CELF4: variants seen among roughly 807,000 people sequenced by gnomAD.
The protein encoded by CELF4 is CUGBP Elav-like family member 4.
In CELF4, 18 loss-of-function variants were observed where a neutral mutation model predicts 59.9. The observed-to-expected ratio is 0.30, with a 90% CI of 0.21 to 0.45. The LOEUF (loss-of-function observed/expected upper bound fraction) is 0.45. Among genes scored for constraint, CELF4 ranks in the 20% least tolerant of loss-of-function variants. The pLI is 1.00. For missense variants in CELF4, 456 were observed against 689.0 expected (o/e 0.66, Z 3.79); for synonymous variants, 261 against 267.1 (o/e 0.98, Z 0.22).
chr18:37,485,745 A>T, intron 1 of CELF4, 138 bp from the exon 2 acceptor site: 1 of 418,440 alleles, frequency 2.4e-6, no homozygotes. Context: ...TCTCCCGTGC[A>T]CTGTTCTCGG....
intron 1 of CELF4, among the ~76,000 whole-genome samples, chr18:37,556,630 C>G (rs1488123288): frequency 6.6e-6 from 1 of 152,114 alleles, no homozygotes; most frequent in East Asian, 1.9e-4. Context: ...GGTCAGTAGC[C>G]TCTATCAGCT....
intron 2 of CELF4, among the ~76,000 whole-genome samples, chr18:37,352,957 C>T (rs981475138): frequency 6.6e-6 from 1 of 152,028 alleles, no homozygotes; most frequent in Non-Finnish European, 1.5e-5. Context: ...CGCGGTAGCT[C>T]ACGCCTGTAA....
At chr18:37,549,431 G>C (rs1344554692) in intron 1 of CELF4, among the ~76,000 whole-genome samples, 1 of 152,190 alleles carries the variant, frequency 6.6e-6, no homozygotes, top group Admixed American at 6.5e-5. Context: ...CTGCCCCGCA[G>C]GCCAGGCCTT....
rs140721883 is a variant in CELF4 at position 37,401,849 on chromosome 18, G to A, written c.370-79968C>T. Among the ~76,000 whole-genome samples the A allele has an allele frequency of 2.2e-4, 34 of 152,328 alleles. No individual in the cohort carries two copies. In the East Asian group the frequency reaches 5.2e-3, roughly 23 times the overall value. ...TGCAAGGTTACTCGGCTCAAGAAAG[G>A]GATATTGCATTTCAAGCCCTGAGTT... On this transcript the variant is annotated intron_variant, in intron 2 of 12. Transcript: ENST00000420428.
intron 2 of CELF4, among the ~76,000 whole-genome samples, chr18:37,327,455 C>T (rs1014804848): frequency 2.0e-5 from 3 of 152,208 alleles, no homozygotes; most frequent in Non-Finnish European, 4.4e-5. Flanking sequence ...GGAATGAGCA[C>T]CCTGCCAGAG....
intron 2 of CELF4, among the ~76,000 whole-genome samples, chr18:37,366,611 C>G (rs73427286): frequency 1.5e-3 from 225 of 152,234 alleles, no homozygotes; most frequent in African/African-American, 5.2e-3. Flanking sequence ...GGAGATGGAG[C>G]CTGGGAGAAG....
chr18:37,323,374 C>G (rs1415627329), intron 2 of CELF4, among the ~76,000 whole-genome samples: 1 of 152,142 alleles, frequency 6.6e-6, no homozygotes, highest in Non-Finnish European at 1.5e-5. Context: ...CAAGCCCTGG[C>G]AGCAGAGAAC....
At chr18:37,361,015 C>T (rs2098694884) in intron 2 of CELF4, among the ~76,000 whole-genome samples, 1 of 152,186 alleles carries the variant, frequency 6.6e-6, no homozygotes, top group African/African-American at 2.4e-5. Context: ...GTTCATTAAA[C>T]TCTAGTTACT....
At position 37,541,757 on chromosome 18, in the gene CELF4, T is replaced by C. The variant is rs115442660; in HGVS notation, c.286+23599A>G. The stretch of plus-strand genomic sequence containing the variant: ...CCTGCCTCCGGGCCTTTGCACCTGC[T>C]GTTCTCTCTGCTGGAAGTGCTTTCT... On this transcript the variant is annotated intron_variant, in intron 1 of 12. Coordinates refer to ENST00000420428, the MANE Select transcript of CELF4 (RefSeq NM_020180.4). 3.5e-3 allele frequency among the ~76,000 whole-genome samples: 526 copies of C among 152,046 alleles called. 2 individuals carry two copies. Among genetic ancestry groups the C allele is most frequent in the African/African-American group, 0.012 (494 of 41,460 alleles).
chr18:37,422,617 C>T (rs763049397), intron 2 of CELF4, among the ~76,000 whole-genome samples: 1 of 152,052 alleles, frequency 6.6e-6, no homozygotes, highest in Admixed American at 6.5e-5. Context: ...AATGTGTGCC[C>T]GAGAAAGAGC....
intron 10 of CELF4, among the ~76,000 whole-genome samples, chr18:37,262,133 C>T (rs2074985215): frequency 6.6e-6 from 1 of 152,202 alleles, no homozygotes; most frequent in Non-Finnish European, 1.5e-5. Flanking sequence ...TATGTGCTGC[C>T]AACCTCTGCT....
At chr18:37,512,674 CT>C (rs2099945901) in intron 1 of CELF4, among the ~76,000 whole-genome samples, 1 of 151,350 alleles carries the variant, frequency 6.6e-6, no homozygotes, top group African/African-American at 2.4e-5. Flanking sequence ...TTCTCCTCCT[CT>C]TCTTTCTTCT....
intron 2 of CELF4, among the ~76,000 whole-genome samples, chr18:37,470,633 T>G (rs1258062680): frequency 1.3e-4 from 20 of 152,096 alleles, no homozygotes; most frequent in Admixed American, 1.3e-3. Context: ...TCTCTGACCC[T>G]CAGGAGGGAA....
intron 2 of CELF4, among the ~76,000 whole-genome samples, chr18:37,390,807 A>AGGGGGG (rs1004031145): frequency 1.4e-4 from 8 of 57,090 alleles, no homozygotes; most frequent in African/African-American, 2.6e-4. Flanking sequence ...TGGGGCGGGG[A>AGGGGGG]GGGGGGGCAG....
intron 2 of CELF4, among the ~76,000 whole-genome samples, chr18:37,466,170 C>T (rs1047836647): frequency 3.9e-5 from 6 of 152,244 alleles, no homozygotes; most frequent in Admixed American, 1.3e-4. Context: ...AAGCGCGAGA[C>T]AGCAGCCCTC....
At chr18:37,550,656 C>G (rs528742722) in intron 1 of CELF4, among the ~76,000 whole-genome samples, 2 of 152,382 alleles carry the variant, frequency 1.3e-5, no homozygotes, top group East Asian at 3.9e-4. Context: ...TCAGCCCGTC[C>G]GCTGGCTGCC....
At chr18:37,429,067 T>C (rs763496106) in intron 2 of CELF4, among the ~76,000 whole-genome samples, 1 of 152,196 alleles carries the variant, frequency 6.6e-6, no homozygotes, top group South Asian at 2.1e-4. Flanking sequence ...CTGCCGTATC[T>C]TGGTGAGGGA....
chr18:37,428,981 G>A (rs2099631519), intron 2 of CELF4, among the ~76,000 whole-genome samples: 1 of 152,204 alleles, frequency 6.6e-6, no homozygotes, highest in Non-Finnish European at 1.5e-5. Context: ...AGGATCTAGA[G>A]TGGTGGTTCC....
At chr18:37,280,069 C>T (rs773415116) in intron 3 of CELF4, among the ~76,000 whole-genome samples, 3 of 152,332 alleles carry the variant, frequency 2.0e-5, no homozygotes, top group Non-Finnish European at 4.4e-5. Flanking sequence ...CCCAGCCCCG[C>T]TTGGACCCAG....
Sources: gnomAD v4.1 joint callset for allele counts (sites outside exome capture counted in the v4.1 genomes callset) on GRCh38, gnomAD v4.1.1 for gene constraint, MANE v1.5 for transcripts, NCBI Gene and HGNC (gene_info 2026-07-23, HGNC 2026-07-21) for gene names.